ADAMTS2: variants seen among roughly 807,000 people sequenced by gnomAD.
The protein encoded by ADAMTS2 is ADAM metallopeptidase with thrombospondin type 1 motif 2, also known as A disintegrin and metalloproteinase with thrombospondin motifs 2.
In ADAMTS2, 50 loss-of-function variants were observed where a neutral mutation model predicts 123.0. The ratio of observed to expected loss-of-function variants is 0.41; its 90% CI spans 0.32 to 0.51. The LOEUF (loss-of-function observed/expected upper bound fraction) is 0.51. Ranked by LOEUF, ADAMTS2 falls within the 20% of genes least tolerant of loss-of-function variation. The probability of loss-of-function intolerance (pLI) is 0.35; values close to 1 mark genes in which losing one functional copy is unlikely to be tolerated. For missense variants in ADAMTS2, 1,494 were observed against 1,705.2 expected, an observed-to-expected ratio of 0.88 and a Z score of 2.18; for synonymous variants, 678 against 695.4, an observed-to-expected ratio of 0.98 and a Z score of 0.39.
rs2113196353 is a variant in ADAMTS2, at chr5:179,128,187, A to C, written c.2458-69T>G. 1 of 1,594,302 alleles carries C rather than the reference A, an allele frequency of 6.3e-7. No homozygotes were observed. The highest frequency in any genetic ancestry group is 8.5e-7 in the Non-Finnish European group (1 of 1,172,040). On this transcript the variant is annotated intron_variant, in intron 16 of 21. Coordinates refer to ENST00000251582, the MANE Select transcript of ADAMTS2 (RefSeq NM_014244.5). The surrounding 1 kb of genome is among the most constrained non-coding windows in gnomAD (Gnocchi z 4.9). ...TGCTTCCTCCCCAGCCAGCTTAGGA[A>C]CGGCAGCTGAGGCCGACTCCAGAGG...
At chr5:179,190,674 G>A (rs1038848031) in intron 4 of ADAMTS2, among the ~76,000 whole-genome samples, 4 of 152,202 alleles carry the variant, frequency 2.6e-5, no homozygotes, top group Admixed American at 2.0e-4. Context: ...CCTGGTGGTG[G>A]TCTCTTCACA....
At chr5:179,236,064 C>T (rs775823596) in intron 3 of ADAMTS2, among the ~76,000 whole-genome samples, 36 of 152,244 alleles carry the variant, frequency 2.4e-4, no homozygotes, top group Non-Finnish European at 3.7e-4. Context: ...CACATCTCAG[C>T]TTCCAGATGT....
At chr5:179,230,518 G>A (rs200019858) in intron 3 of ADAMTS2, among the ~76,000 whole-genome samples, 1 of 97,666 alleles carries the variant, frequency 1.0e-5, no homozygotes, top group Non-Finnish European at 2.1e-5. Flanking sequence ...GTGCACACAG[G>A]CACACAGAGA....
At chr5:179,223,518 ACT>A (rs1287938790) in intron 3 of ADAMTS2, among the ~76,000 whole-genome samples, 2 of 143,640 alleles carry the variant, frequency 1.4e-5, no homozygotes, top group African/African-American at 2.8e-5. Flanking sequence ...ATACGAATGC[ACT>A]CACACACATG....
intron 3 of ADAMTS2, among the ~76,000 whole-genome samples, chr5:179,224,475 T>C (rs946378252): frequency 4.6e-5 from 7 of 152,212 alleles, no homozygotes; most frequent in African/African-American, 1.4e-4. Context: ...ACGGTCTGCA[T>C]TTCCAGAAAG....
chr5:179,295,324 C>G (rs1442589605), intron 2 of ADAMTS2, among the ~76,000 whole-genome samples: 1 of 152,182 alleles, frequency 6.6e-6, no homozygotes, highest in Non-Finnish European at 1.5e-5. Flanking sequence ...CCTCCTGGCT[C>G]TCCCTGGGTG....
chr5:179,141,422 C>T (rs1209637347), intron 10 of ADAMTS2, among the ~76,000 whole-genome samples: 1 of 152,128 alleles, frequency 6.6e-6, no homozygotes, highest in African/African-American at 2.4e-5. Context: ...CAAAAACAGG[C>T]AGCAAACAGA....
In ADAMTS2 at chr5:179,185,173, C is replaced by T. The variant is rs1764140481; in HGVS notation, c.892-4018G>A. ...GAAGTCAGGAGAAGGATTCCAAATC[C>T]TCTCTAAGAGCAGTGGGAGGACATG... On this transcript the variant is annotated intron_variant, in intron 4 of 21. Coordinates refer to ENST00000251582, the MANE Select transcript of ADAMTS2 (RefSeq NM_014244.5). This position sits in a 1 kb window ranked among gnomAD's most constrained non-coding sequence, Gnocchi z 5.9. Among the ~76,000 whole-genome samples the T allele has an allele frequency of 1.3e-5, 2 of 152,178 alleles. No individual in the cohort carries two copies. Among genetic ancestry groups the T allele is most frequent in the South Asian group, 2.1e-4 (1 of 4,824 alleles).
At chr5:179,163,700 G>A (rs1763642741) in intron 5 of ADAMTS2, among the ~76,000 whole-genome samples, 1 of 152,128 alleles carries the variant, frequency 6.6e-6, no homozygotes, top group Non-Finnish European at 1.5e-5. Flanking sequence ...CGTCTTAGCA[G>A]CCAAAGTGAT....
At chr5:179,116,007 C>G (rs570552504) in intron 21 of ADAMTS2, among the ~76,000 whole-genome samples, 3 of 151,898 alleles carry the variant, frequency 2.0e-5, no homozygotes, top group African/African-American at 7.3e-5. Context: ...ACCCCTGCAG[C>G]GTGAGCTTAG....
intron 2 of ADAMTS2, among the ~76,000 whole-genome samples, chr5:179,291,446 C>T (rs900890273): frequency 1.3e-5 from 2 of 152,182 alleles, no homozygotes; most frequent in African/African-American, 2.4e-5. Flanking sequence ...AGCTGTTGCC[C>T]TGCAATGCCA....
rs898047702 is a variant in ADAMTS2 at position 179,317,522 on chromosome 5, C to T, written c.534+26245G>A. Among the ~76,000 whole-genome samples, 2 of 152,176 alleles carry T rather than the reference C, an allele frequency of 1.3e-5. No homozygotes were observed. ...ACTTCTATAAGCACGGACCCAGAGG[C>T]CATCCCAGCGACACTGTGTGGGGAC... On this transcript the variant is annotated intron_variant, in intron 2 of 21. Coordinates refer to ENST00000251582, the MANE Select transcript of ADAMTS2 (RefSeq NM_014244.5). The surrounding 1 kb of genome is among the most constrained non-coding windows in gnomAD (Gnocchi z 4.9).
At chr5:179,171,616 C>T (rs186052840) in intron 5 of ADAMTS2, among the ~76,000 whole-genome samples, 1 of 152,286 alleles carries the variant, frequency 6.6e-6, no homozygotes, top group East Asian at 1.9e-4. Flanking sequence ...ATGGAGCGGA[C>T]CCCATGGGCA....
At chr5:179,297,563 C>T (rs1486659306) in intron 2 of ADAMTS2, among the ~76,000 whole-genome samples, 1 of 152,118 alleles carries the variant, frequency 6.6e-6, no homozygotes, top group Non-Finnish European at 1.5e-5. Flanking sequence ...CGCTGAGGCC[C>T]CATGTCTCCC....
chr5:179,198,382 T>A (rs1267619532), intron 4 of ADAMTS2, among the ~76,000 whole-genome samples: 2 of 152,170 alleles, frequency 1.3e-5, no homozygotes, highest in Non-Finnish European at 2.9e-5. Flanking sequence ...AGCCTCACAG[T>A]GCTTGGAAGG....
intron 3 of ADAMTS2, among the ~76,000 whole-genome samples, chr5:179,217,253 A>T (rs1765004345): frequency 6.6e-6 from 1 of 152,240 alleles, no homozygotes; most frequent in Non-Finnish European, 1.5e-5. Flanking sequence ...CAAGTGCAAA[A>T]GGTAAGAAAC....
intron 3 of ADAMTS2, among the ~76,000 whole-genome samples, chr5:179,239,160 G>A (rs938255959): frequency 3.3e-5 from 5 of 152,196 alleles, no homozygotes; most frequent in African/African-American, 9.7e-5. Flanking sequence ...ACACATGGGG[G>A]TGGGGAGGCA....
chr5:179,313,961 C>T (rs936996742), intron 2 of ADAMTS2, among the ~76,000 whole-genome samples: 37 of 127,884 alleles, frequency 2.9e-4, no homozygotes, highest in African/African-American at 1.1e-3. Context: ...CATTCACACT[C>T]GTGCACACAC....
intron 5 of ADAMTS2, among the ~76,000 whole-genome samples, chr5:179,167,055 G>A (rs555679564): frequency 2.8e-4 from 42 of 152,318 alleles, no homozygotes; most frequent in African/African-American, 9.9e-4. Flanking sequence ...GGCCGCCCCG[G>A]CAGATGCTGA....
Sources: gnomAD v4.1 joint callset for allele counts (sites outside exome capture counted in the v4.1 genomes callset) on GRCh38, gnomAD v4.1.1 for gene constraint, Gnocchi (gnomAD v3.1) non-coding constraint, MANE v1.5 for transcripts, NCBI Gene and HGNC (gene_info 2026-07-23, HGNC 2026-07-21) for gene names.